The following RSRC1 variants were observed in gnomAD, a reference collection of about 807,000 sequenced individuals.
RSRC1 encodes the protein serine/Arginine-related protein 53.
In RSRC1, 39 loss-of-function variants were observed where a neutral mutation model predicts 49.1. That is an observed-to-expected ratio of 0.79 (90% confidence interval 0.61 to 1.04). RSRC1 has a LOEUF of 1.04. RSRC1 is among the 50% of genes least tolerant of loss of function. RSRC1 has a pLI of 0.00. For missense variants in RSRC1, 388 were observed against 402.4 expected, an observed-to-expected ratio of 0.96 and a Z score of 0.31; for synonymous variants, 143 against 130.8, an observed-to-expected ratio of 1.09 and a Z score of -0.63.
chr3:158,471,145 AGTCAAGGG>A (rs1229458068), intron 7 of RSRC1, among the ~76,000 whole-genome samples: 2 of 152,174 alleles, frequency 1.3e-5, no homozygotes, highest in African/African-American at 4.8e-5. Context: ...TTGCCTTCTG[AGTCAAGGG>A]CTCTTTTTGT....
chr3:158,400,060 A>G (rs1348147091), intron 6 of RSRC1, among the ~76,000 whole-genome samples: 2 of 152,096 alleles, frequency 1.3e-5, no homozygotes, highest in African/African-American at 4.8e-5. Flanking sequence ...AAATAGTAGA[A>G]TTTTCTTCTT....
intron 5 of RSRC1, among the ~76,000 whole-genome samples, chr3:158,301,238 C>T (rs1347907471): frequency 6.6e-6 from 1 of 152,054 alleles, no homozygotes; most frequent in Non-Finnish European, 1.5e-5. Context: ...AAAGCCTATG[C>T]CTTTTTAAAG....
At position 158,276,166 on chromosome 3, in the gene RSRC1, G is replaced by A. The variant is rs749593494; in HGVS notation, c.495-21873G>A. On this transcript the variant is annotated intron_variant, in intron 4 of 9. Transcript: ENST00000611884. ...AACTTTAGCTGGTTAACACCATGAT[G>A]GACAGGCTTGCCATATGTTGCACCC... 7 of 908,140 alleles carry A rather than the reference G, an allele frequency of 7.7e-6. No individual in the cohort carries two copies. The South Asian group carries it at 9.0e-5, about 12-fold the overall frequency. 56.3% of individuals were successfully genotyped at this position (908,140 alleles called of 1,614,324 possible). A position where few individuals can be genotyped will look rare whatever the true frequency, so the allele number is the denominator to read the frequency against.
Position 158,129,407 on chromosome 3 carries a change from C to T in RSRC1, c.320+5416C>T, listed in dbSNP as rs1228338196. On this transcript the variant is annotated intron_variant, in intron 3 of 9. Coordinates refer to ENST00000611884, the MANE Select transcript of RSRC1 (RefSeq NM_001271838.2). ...CTGGGTTCAAGTGATTCTCGTGCCTCAGCCTCCCGGGTAGCTGGGATTACA... is the reference window on the plus strand; with the variant it reads ...CTGGGTTCAAGTGATTCTCGTGCCTTAGCCTCCCGGGTAGCTGGGATTACA... 1.6e-4 allele frequency among the ~76,000 whole-genome samples: 24 copies of T among 149,978 alleles called. 1 individual carries two copies. The highest frequency in any genetic ancestry group is 1.6e-3 in the Admixed American group (24 of 15,012).
intron 7 of RSRC1, among the ~76,000 whole-genome samples, chr3:158,505,141 A>T (rs781381661): frequency 1.8e-4 from 28 of 152,218 alleles, no homozygotes; most frequent in African/African-American, 6.8e-4. Flanking sequence ...TGAATAATCA[A>T]TTCAGTCAAA....
chr3:158,404,567 T>C (rs1489245366), intron 6 of RSRC1, among the ~76,000 whole-genome samples: 2 of 151,976 alleles, frequency 1.3e-5, no homozygotes, highest in Non-Finnish European at 2.9e-5. Context: ...CAGTGAAATA[T>C]TGTGAAATAA....
intron 4 of RSRC1, among the ~76,000 whole-genome samples, chr3:158,245,280 C>T (rs1051700780): frequency 6.6e-6 from 1 of 152,002 alleles, no homozygotes; most frequent in East Asian, 1.9e-4. Flanking sequence ...TCGTTATGTA[C>T]TCAAGAGTCA....
intron 6 of RSRC1, among the ~76,000 whole-genome samples, chr3:158,409,575 C>T (rs1734324032): frequency 6.6e-6 from 1 of 152,108 alleles, no homozygotes; most frequent in Non-Finnish European, 1.5e-5. Flanking sequence ...AGTGAGCTCC[C>T]TAAAAGCAGG....
At chr3:158,423,209 G>C (rs1241337882) in intron 6 of RSRC1, among the ~76,000 whole-genome samples, 1 of 152,046 alleles carries the variant, frequency 6.6e-6, no homozygotes, top group Non-Finnish European at 1.5e-5. Context: ...TATGGTTTTA[G>C]GTCTAACGTT....
chr3:158,250,450 C>A (rs1095635), intron 4 of RSRC1, among the ~76,000 whole-genome samples: 68,357 of 151,944 alleles, frequency 0.45, 15,717 homozygotes, highest in East Asian at 0.64. Context: ...CAAGGCTACC[C>A]TTTTCTTCAC....
intron 4 of RSRC1, among the ~76,000 whole-genome samples, chr3:158,246,426 G>A (rs1357046566): frequency 6.6e-6 from 1 of 151,816 alleles, no homozygotes; most frequent in Admixed American, 6.6e-5. Context: ...ATTGTTATGT[G>A]TAGATTTAAT....
rs1015728533 is a variant in RSRC1 at position 158,220,193 on chromosome 3, C to T, written c.494+16948C>T. Among the ~76,000 whole-genome samples, 7 of 151,730 alleles carry T rather than the reference C, an allele frequency of 4.6e-5. No individual in the cohort carries two copies. The East Asian group carries it at 9.7e-4, about 21-fold the overall frequency. ...TTGTATCCGTGGCTCACTGGAAGGG[C>T]TAATCGTAGATAGGGAAGTCATATG... On this transcript the variant is annotated intron_variant, in intron 4 of 9. Coordinates refer to ENST00000611884, the MANE Select transcript of RSRC1 (RefSeq NM_001271838.2).
At chr3:158,137,417 TATA>T in intron 3 of RSRC1, among the ~76,000 whole-genome samples, 1 of 150,974 alleles carries the variant, frequency 6.6e-6, no homozygotes, top group South Asian at 2.1e-4. Context: ...TATATATATA[TATA>T]ATAACACTAT....
intron 6 of RSRC1, among the ~76,000 whole-genome samples, chr3:158,438,234 CCA>C (rs1736158768): frequency 6.6e-6 from 1 of 152,136 alleles, no homozygotes; most frequent in East Asian, 1.9e-4. Context: ...ATGAAAATGG[CCA>C]CACTGTCCAA....
chr3:158,462,352 A>G (rs1013105792), intron 7 of RSRC1, among the ~76,000 whole-genome samples: 1 of 151,940 alleles, frequency 6.6e-6, no homozygotes, highest in Non-Finnish European at 1.5e-5. Flanking sequence ...AAGTACTGCT[A>G]TGTTGTGTGG....
At chr3:158,219,468 A>C (rs1019792996) in intron 4 of RSRC1, among the ~76,000 whole-genome samples, 1 of 151,622 alleles carries the variant, frequency 6.6e-6, no homozygotes, top group African/African-American at 2.4e-5. Flanking sequence ...AATTACATTT[A>C]TTAGTTTTTT....
intron 5 of RSRC1, among the ~76,000 whole-genome samples, chr3:158,328,901 C>T (rs1223020147): frequency 1.3e-5 from 2 of 152,204 alleles, no homozygotes; most frequent in South Asian, 2.1e-4. Flanking sequence ...TGTCTTTTCA[C>T]ATAGTCCCAT....
At chr3:158,196,393 A>T (rs989674905) in intron 3 of RSRC1, among the ~76,000 whole-genome samples, 2 of 152,112 alleles carry the variant, frequency 1.3e-5, no homozygotes, top group African/African-American at 4.8e-5. Flanking sequence ...GCTTAAGGAG[A>T]TTTGGGGCTG....
chr3:158,148,908 C>T (rs538613150), intron 3 of RSRC1, among the ~76,000 whole-genome samples: 20 of 151,876 alleles, frequency 1.3e-4, no homozygotes, highest in Non-Finnish European at 2.6e-4. Context: ...CTCAGCCTCC[C>T]GAGTAGCTGA....
Sources: gnomAD v4.1 joint callset for allele counts (sites outside exome capture counted in the v4.1 genomes callset) on GRCh38, gnomAD v4.1.1 for gene constraint, MANE v1.5 for transcripts, NCBI Gene and HGNC (gene_info 2026-07-23, HGNC 2026-07-21) for gene names.